SPAST: variants seen among roughly 807,000 people sequenced by gnomAD.
The protein encoded by SPAST is spastic paraplegia 4 (autosomal dominant; spastin).
SPAST carries 30 observed loss-of-function variants against 76.6 expected under a neutral mutation model. The ratio of observed to expected loss-of-function variants is 0.39; its 90% CI spans 0.29 to 0.53. The LOEUF (loss-of-function observed/expected upper bound fraction) is 0.53. Ranked by LOEUF, SPAST falls within the 20% of genes least tolerant of loss-of-function variation. The probability of loss-of-function intolerance (pLI) is 0.68; values close to 1 mark genes in which losing one functional copy is unlikely to be tolerated. For synonymous variants in SPAST, 305 were observed against 281.0 expected (o/e 1.09, Z -0.86); for missense variants, 717 against 770.5 (o/e 0.93, Z 0.82).
chr2:32,097,810 C>T (rs1376342306), intron 3 of SPAST, among the ~76,000 whole-genome samples: 1 of 151,732 alleles, frequency 6.6e-6, no homozygotes, highest in Non-Finnish European at 1.5e-5. Context: ...TCCCCTGCCT[C>T]AGCTTCCCGA....
intron 4 of SPAST, among the ~76,000 whole-genome samples, chr2:32,102,780 T>G (rs1266166378): frequency 6.6e-6 from 1 of 152,246 alleles, no homozygotes; most frequent in African/African-American, 2.4e-5. Flanking sequence ...GTTTATTGAT[T>G]TGCATATGTT....
intron 1 of SPAST, among the ~76,000 whole-genome samples, chr2:32,071,048 T>G (rs190373721): frequency 1.3e-5 from 2 of 152,172 alleles, no homozygotes; most frequent in Non-Finnish European, 2.9e-5. Flanking sequence ...CCTTGGAATA[T>G]TTGGAGGAAA....
intron 16 of SPAST, among the ~76,000 whole-genome samples, chr2:32,154,084 T>C (rs1680174989): frequency 6.6e-6 from 1 of 152,224 alleles, no homozygotes; most frequent in Non-Finnish European, 1.5e-5. Flanking sequence ...TTTCTATAAA[T>C]GATTGTGTTT....
rs1478426343 is a variant in SPAST, at chr2:32,144,946, T to G, written c.1626T>G (p.Asp542Glu). ...KELAQLARMT[D>E]GYSGSDLTAL... Reference sequence around the variant, plus strand: ...TCCTTCCCTTCCTCAGAATGACTGATGGATACTCAGGAAGTGACCTAACAG... The same window carrying G: ...TCCTTCCCTTCCTCAGAATGACTGAGGGATACTCAGGAAGTGACCTAACAG... The change falls in exon 15 of 17, where the codon GAT becomes GAG. Residue 542 changes from aspartate (D) to glutamate (E), a missense_variant. By Grantham distance (45) the Asp-to-Glu change is conservative. This residue lies in a region of SPAST where 96 missense variants were observed against 127.6 expected (regional missense o/e 0.75). Transcript: ENST00000315285. The G allele has an allele frequency of 6.2e-7, 1 of 1,611,876 alleles. No homozygotes were observed. The highest frequency in any genetic ancestry group is 8.5e-7 in the Non-Finnish European group (1 of 1,178,690).
chr2:32,066,167 G>A (rs1676501977), intron 1 of SPAST: 1 of 151,808 alleles, frequency 6.6e-6, no homozygotes, highest in Non-Finnish European at 1.5e-5. Context: ...TAGAGATGGT[G>A]TTTCACCATG....
At chr2:32,079,349 C>A (rs1677105276) in intron 1 of SPAST, among the ~76,000 whole-genome samples, 1 of 151,468 alleles carries the variant, frequency 6.6e-6, no homozygotes, top group Non-Finnish European at 1.5e-5. Flanking sequence ...GAGACCCTGT[C>A]TTTAGAAAAA....
At position 32,114,707 on chromosome 2, in the gene SPAST, C is replaced by T; in HGVS notation, c.752C>T (p.Thr251Ile). ...HTSNSLPRSK[T>I]VMKTGSAGLS... ...AGTAATTCACTGCCTCGTTCAAAAACAGTTATGAAAACTGGATCTGCAGGC... is the reference window on the plus strand; with the variant it reads ...AGTAATTCACTGCCTCGTTCAAAAATAGTTATGAAAACTGGATCTGCAGGC... The change falls in exon 5 of 17, where the codon ACA (threonine) becomes ATA (isoleucine). Residue 251 changes from threonine (T) to isoleucine (I), a missense_variant. Around this residue, in one of 3 missense-constraint regions of SPAST, gnomAD observed 543 missense variants for 445.2 expected, o/e 1.22. Coordinates refer to ENST00000315285, the MANE Select transcript of SPAST (RefSeq NM_014946.4). 1 of 1,614,018 alleles carries T rather than the reference C, an allele frequency of 6.2e-7. No homozygotes were observed. Among genetic ancestry groups the T allele is most frequent in the Non-Finnish European group, 8.5e-7 (1 of 1,179,926 alleles).
chr2:32,083,750 C>CTA (rs869090344), intron 1 of SPAST, among the ~76,000 whole-genome samples: 870 of 62,682 alleles, frequency 0.014, 29 homozygotes, highest in Middle Eastern at 0.043. Context: ...TTTATATATA[C>CTA]TATATATATA....
intron 1 of SPAST, among the ~76,000 whole-genome samples, chr2:32,076,046 A>G (rs556273296): frequency 2.6e-5 from 4 of 151,558 alleles, no homozygotes; most frequent in African/African-American, 9.7e-5. Context: ...GATTACAGGT[A>G]CGCGCCACCA....
At chr2:32,094,212 A>G (rs1677835304) in intron 3 of SPAST, among the ~76,000 whole-genome samples, 1 of 152,064 alleles carries the variant, frequency 6.6e-6, no homozygotes, top group African/African-American at 2.4e-5. Flanking sequence ...GGAATTTGTG[A>G]TGTCACCTCT....
chr2:32,128,226 C>G (rs1679258402), intron 8 of SPAST, 182 bp from the exon 9 acceptor site: 1 of 549,722 alleles, frequency 1.8e-6, no homozygotes, highest in African/African-American at 1.9e-5. Flanking sequence ...AACTCTTGGC[C>G]TCAAGTGATG....
chr2:32,069,673 C>T (rs1267778982), intron 1 of SPAST, among the ~76,000 whole-genome samples: 5 of 151,940 alleles, frequency 3.3e-5, no homozygotes, highest in Middle Eastern at 3.4e-3. Context: ...TTTCCTGCCT[C>T]AGCCTCCCAA....
intron 2 of SPAST, among the ~76,000 whole-genome samples, chr2:32,089,048 A>AT (rs989904873): frequency 1.7e-4 from 26 of 151,314 alleles, no homozygotes; most frequent in East Asian, 1.2e-3. Context: ...AACTGTAACT[A>AT]TTTTTTTTTA....
chr2:32,088,399 C>T (rs555890082), intron 2 of SPAST, among the ~76,000 whole-genome samples: 2 of 151,948 alleles, frequency 1.3e-5, no homozygotes, highest in Admixed American at 1.3e-4. Context: ...AATCCCAGCA[C>T]TTTGGGAGGC....
At chr2:32,064,301 C>A (rs1309065910) in intron 1 of SPAST, 55 bp downstream of exon 1, 5 of 822,530 alleles carry the variant, frequency 6.1e-6, no homozygotes, top group Non-Finnish European at 9.6e-6. Flanking sequence ...GCGGTGGGGT[C>A]GCCGGGGGAG....
chr2:32,121,587 C>T (rs537909969), intron 7 of SPAST, among the ~76,000 whole-genome samples: 32 of 133,554 alleles, frequency 2.4e-4, no homozygotes, highest in African/African-American at 8.9e-4. Context: ...GTCACCCAGG[C>T]TGGAGTGCAG....
chr2:32,074,009 G>T (rs1558613366), intron 1 of SPAST, among the ~76,000 whole-genome samples: 1 of 152,174 alleles, frequency 6.6e-6, no homozygotes, highest in Non-Finnish European at 1.5e-5. Context: ...GGTTGAGCAA[G>T]TGGGGTTTAT....
rs536453653 is a variant in SPAST, at chr2:32,134,273, C to T, written c.1246-2290C>T. 2.6e-4 allele frequency among the ~76,000 whole-genome samples: 39 copies of T among 152,196 alleles called. 1 individual carries two copies. The South Asian group carries it at 5.4e-3, about 21-fold the overall frequency. Reference sequence around the variant, plus strand: ...ATCCCAGCACTTTGGGAGGCCGAGGCAGGCGAATCACAAGGTCAGGAGTTC... The same window carrying T: ...ATCCCAGCACTTTGGGAGGCCGAGGTAGGCGAATCACAAGGTCAGGAGTTC... On this transcript the variant is annotated intron_variant, in intron 9 of 16. Coordinates refer to ENST00000315285, the MANE Select transcript of SPAST (RefSeq NM_014946.4).
chr2:32,128,761 T>A (rs543839835), intron 9 of SPAST: 1 of 415,220 alleles, frequency 2.4e-6, no homozygotes, highest in African/African-American at 2.0e-5. Context: ...GGTAGAAGTC[T>A]AAGATCAGTC....
Sources: gnomAD v4.1 joint callset for allele counts (sites outside exome capture counted in the v4.1 genomes callset) on GRCh38, gnomAD v4.1.1 for gene constraint, gnomAD v4.1.1 regional missense constraint, MANE v1.5 for transcripts, NCBI Gene and HGNC (gene_info 2026-07-23, HGNC 2026-07-21) for gene names.